ATXN8OS: variants seen among roughly 807,000 people sequenced by gnomAD.
ATXN8OS encodes the protein ATXN8 opposite strand lncRNA.
At chr13:70,120,665 G>A (rs912480102) in intron 2 of ATXN8OS, among the ~76,000 whole-genome samples, 1 of 152,042 alleles carries the variant, frequency 6.6e-6, no homozygotes, top group Admixed American at 6.6e-5. Context: ...TTGGTGAGGT[G>A]GAAAATGACA....
chr13:70,131,682 A>C (rs945682457), intron 3 of ATXN8OS: 4 of 394,872 alleles, frequency 1.0e-5, no homozygotes, highest in African/African-American at 8.2e-5. Flanking sequence ...AACCCAGACT[A>C]GATCATTTTC....
chr13:70,169,500 T>C (rs1017690459), intron 4 of ATXN8OS, among the ~76,000 whole-genome samples: 4 of 152,082 alleles, frequency 2.6e-5, no homozygotes, highest in Non-Finnish European at 5.9e-5. Context: ...TTCACCATGT[T>C]AGCCAGGCTG....
At chr13:70,114,553 A>G (rs1291172818) in intron 1 of ATXN8OS, among the ~76,000 whole-genome samples, 1 of 152,154 alleles carries the variant, frequency 6.6e-6, no homozygotes, top group Non-Finnish European at 1.5e-5. Context: ...TTCAGATTAT[A>G]TTACATTCTT....
At chr13:70,130,804 C>T (rs745634611) in intron 3 of ATXN8OS, 1 of 398,366 alleles carries the variant, frequency 2.5e-6, no homozygotes. Context: ...ACCTGCAGAA[C>T]TGGGACCCCA....
chr13:70,127,294 G>A (rs1225897610), intron 2 of ATXN8OS, among the ~76,000 whole-genome samples: 1 of 151,942 alleles, frequency 6.6e-6, no homozygotes, highest in African/African-American at 2.4e-5. Flanking sequence ...TGTGATTTTA[G>A]TAAGAGTATT....
chr13:70,107,646 G>GCGGAGT, upstream of ATXN8OS: 1 of 1,553,678 alleles, frequency 6.4e-7, no homozygotes, highest in Non-Finnish European at 8.7e-7. Context: ...AGAGTTTCCA[G>GCGGAGT]CGGAGTCGCA....
At position 70,148,491 on chromosome 13, in the gene ATXN8OS, T is replaced by C. The variant is rs113315664; in HGVS notation, n.573+1063T>C. On this transcript the variant is annotated intron_variant and non_coding_transcript_variant, in intron 4 of 4. Coordinates refer to ENST00000678624, the Ensembl canonical transcript of ATXN8OS. ...GGCATGTTCAACACCACCTGTCTCATTGTGGCCTGAATTAATTTTTCAGGT... is the reference window on the plus strand; with the variant it reads ...GGCATGTTCAACACCACCTGTCTCACTGTGGCCTGAATTAATTTTTCAGGT... 8.0e-3 allele frequency among the ~76,000 whole-genome samples: 1,224 copies of C among 152,194 alleles called. 14 individuals are homozygous for C. The highest frequency in any genetic ancestry group is 0.028 in the African/African-American group (1,169 of 41,534).
intron 4 of ATXN8OS, among the ~76,000 whole-genome samples, chr13:70,166,233 C>G (rs1352765584): frequency 6.6e-6 from 1 of 152,032 alleles, no homozygotes; most frequent in African/African-American, 2.4e-5. Context: ...AAAGAACAAA[C>G]CAGGAGGCAT....
At chr13:70,132,316 T>A (rs1042928706) in intron 3 of ATXN8OS, among the ~76,000 whole-genome samples, 41 of 151,878 alleles carry the variant, frequency 2.7e-4, no homozygotes, top group African/African-American at 9.9e-4. Flanking sequence ...GATTTTTTTT[T>A]TTTTTTTGGC....
intron 1 of ATXN8OS, among the ~76,000 whole-genome samples, chr13:70,112,919 A>ATATATATATATATAT (rs3072593): frequency 3.3e-5 from 4 of 123,050 alleles, no homozygotes; most frequent in African/African-American, 1.3e-4. Context: ...TTATATATAT[A>ATATATATATATATAT]ATTTTTTTTT....
chr13:70,124,839 T>C (rs576485259), intron 2 of ATXN8OS, among the ~76,000 whole-genome samples: 6 of 152,100 alleles, frequency 3.9e-5, no homozygotes, highest in Admixed American at 6.6e-5. Context: ...ATTGCTTGCA[T>C]AGCCAATCTT....
At position 70,108,088 on chromosome 13, in the gene ATXN8OS, G is replaced by A. The variant is rs560824859; in HGVS notation, n.240+69G>A. The A allele has an allele frequency of 9.6e-6, 4 of 416,690 alleles. 1 individual carries two copies. The South Asian group carries it at 3.8e-4, about 40-fold the overall frequency. The allele number at this position is 416,690 out of a possible 1,614,324, so 25.8% of individuals were successfully genotyped here. On this transcript the variant is annotated intron_variant and non_coding_transcript_variant, in intron 1 of 4. Coordinates refer to ENST00000678624, the Ensembl canonical transcript of ATXN8OS. ...TGAGCGCTCCGAAGCTCCGGAGGCG[G>A]CTGCAGCTGGATACACCTCACTGGG...
intron 4 of ATXN8OS, among the ~76,000 whole-genome samples, chr13:70,161,218 G>T (rs899790864): frequency 4.6e-5 from 7 of 151,350 alleles, no homozygotes; most frequent in African/African-American, 1.7e-4. Context: ...TTCCCATATA[G>T]CATCATTTAA....
intron 4 of ATXN8OS, among the ~76,000 whole-genome samples, chr13:70,159,574 T>C (rs1888978695): frequency 6.6e-6 from 1 of 152,182 alleles, no homozygotes; most frequent in Admixed American, 6.6e-5. Context: ...CAATTTACTT[T>C]ATTGGTGTAT....
In ATXN8OS at chr13:70,148,380, C is replaced by T. The variant is rs138668036; in HGVS notation, n.573+952C>T. Reference sequence around the variant, plus strand: ...TGGACTTGGCATCTTATTAATACAACGAATCTCTTCTGTCAGTCTTAGGAT... The same window carrying T: ...TGGACTTGGCATCTTATTAATACAATGAATCTCTTCTGTCAGTCTTAGGAT... On this transcript the variant is annotated intron_variant and non_coding_transcript_variant, in intron 4 of 4. Transcript: ENST00000678624. 1.9e-3 allele frequency among the ~76,000 whole-genome samples: 295 copies of T among 152,212 alleles called. 3 individuals are homozygous for T. Among genetic ancestry groups the T allele is most frequent in the African/African-American group, 6.4e-3 (266 of 41,544 alleles).
chr13:70,146,673 C>A (rs1888790445), intron 3 of ATXN8OS, among the ~76,000 whole-genome samples: 1 of 150,046 alleles, frequency 6.7e-6, no homozygotes, highest in South Asian at 2.1e-4. Context: ...GACAAAAAAC[C>A]AAACACTGCA....
intron 2 of ATXN8OS, among the ~76,000 whole-genome samples, chr13:70,118,194 T>C (rs923328314): frequency 3.3e-5 from 5 of 152,036 alleles, no homozygotes; most frequent in African/African-American, 9.7e-5. Context: ...TCCTGTGAGT[T>C]GGGAGAATAA....
intron 1 of ATXN8OS, among the ~76,000 whole-genome samples, chr13:70,112,937 T>G (rs1285281486): frequency 6.9e-6 from 1 of 143,902 alleles, no homozygotes; most frequent in Non-Finnish European, 1.5e-5. Context: ...TTTTTTTTTT[T>G]TTTGAGATGG....
chr13:70,143,062 C>T lies in ATXN8OS; in HGVS notation n.500-4293C>T, dbSNP rs577764444. Reference sequence around the variant, plus strand: ...CACTCCAGCAACAACAGTGAAACTCCGTCTAAAAAAAAAAAAAAATCGTAA... The same window carrying T: ...CACTCCAGCAACAACAGTGAAACTCTGTCTAAAAAAAAAAAAAAATCGTAA... On this transcript the variant is annotated intron_variant and non_coding_transcript_variant, in intron 3 of 4. Coordinates refer to ENST00000678624, the Ensembl canonical transcript of ATXN8OS. 4.7e-5 allele frequency among the ~76,000 whole-genome samples: 7 copies of T among 148,336 alleles called. No homozygotes were observed. The East Asian group carries it at 8.6e-4, about 18-fold the overall frequency.
Sources: gnomAD v4.1 joint callset for allele counts (sites outside exome capture counted in the v4.1 genomes callset) on GRCh38, gnomAD v4.1.1 for gene constraint, MANE v1.5 for transcripts, NCBI Gene and HGNC (gene_info 2026-07-23, HGNC 2026-07-21) for gene names.